The following MAOB variants were observed in gnomAD, a reference collection of about 807,000 sequenced individuals.
The protein encoded by MAOB is amine oxidase [flavin-containing] B.
A neutral mutation model predicts 41.9 loss-of-function variants in MAOB; 15 were observed. The observed-to-expected ratio is 0.36, with a 90% CI of 0.24 to 0.55. The LOEUF is 0.55. MAOB is among the 20% of genes least tolerant of loss of function. The pLI, the probability that MAOB is intolerant of heterozygous loss-of-function variation, is 0.86. For missense variants in MAOB, 345 were observed against 398.7 expected (o/e 0.87, Z 1.15); for synonymous variants, 167 against 144.2 (o/e 1.16, Z -1.13).
intron 1 of MAOB, among the ~76,000 whole-genome samples, chrX:43,846,146 A>C (rs2035200601): frequency 1.8e-5 from 2 of 112,782 alleles, no homozygotes. Context: ...GCATCAATTC[A>C]ACAAATGAAA....
intron 1 of MAOB, among the ~76,000 whole-genome samples, chrX:43,862,835 C>T (rs142549244): frequency 2.6e-3 from 293 of 111,587 alleles, no homozygotes; most frequent in South Asian, 4.9e-3. Flanking sequence ...TGGATTCCAC[C>T]CCATATTCTA....
intron 1 of MAOB, among the ~76,000 whole-genome samples, chrX:43,855,366 G>A (rs990294541): frequency 1.8e-5 from 2 of 111,302 alleles, no homozygotes; most frequent in African/African-American, 6.5e-5. Flanking sequence ...CCACATAGGA[G>A]GGCACAGACT....
chrX:43,878,748 A>G (rs1322167519), intron 1 of MAOB, among the ~76,000 whole-genome samples: 2 of 110,686 alleles, frequency 1.8e-5, no homozygotes, highest in Non-Finnish European at 3.8e-5. Flanking sequence ...ACCTCAACTC[A>G]TAACCCCTTG....
chrX:43,830,172 G>T (rs917434341), intron 3 of MAOB, among the ~76,000 whole-genome samples: 1 of 112,077 alleles, frequency 8.9e-6, no homozygotes, highest in African/African-American at 3.2e-5. Context: ...CAGTGCTGTT[G>T]TAAGCTATTT....
At chrX:43,851,695 G>T (rs1036507581) in intron 1 of MAOB, among the ~76,000 whole-genome samples, 1 of 111,650 alleles carries the variant, frequency 9.0e-6, no homozygotes, top group African/African-American at 3.3e-5. Context: ...TATGAAGAGG[G>T]TTAGAAGTCT....
At chrX:43,796,611 G>T (rs1326601856) in intron 6 of MAOB, among the ~76,000 whole-genome samples, 1 of 110,887 alleles carries the variant, frequency 9.0e-6, no homozygotes, top group Non-Finnish European at 1.9e-5. Flanking sequence ...AAGAGGAGGA[G>T]GGGGAGAGAG....
At chrX:43,798,542 G>A (rs3027452) in intron 5 of MAOB, among the ~76,000 whole-genome samples, 14,538 of 111,013 alleles carry the variant, frequency 0.13, 833 homozygotes, top group South Asian at 0.23. Flanking sequence ...ATGGTGAGAG[G>A]TTATCACCTA....
chrX:43,845,712 G>T (rs1213664341), intron 1 of MAOB, among the ~76,000 whole-genome samples: 1 of 112,136 alleles, frequency 8.9e-6, no homozygotes, highest in Non-Finnish European at 1.9e-5. Context: ...CACTTTTTTG[G>T]ATCAGCTTGT....
At chrX:43,793,366 A>T (rs1459923590) in intron 8 of MAOB, 53 bp downstream of exon 8, 5 of 992,340 alleles carry the variant, frequency 5.0e-6, no homozygotes, top group African/African-American at 4.0e-5. Context: ...ATGCCTTAGC[A>T]ACAAGTTTCT....
At chrX:43,851,155 C>T (rs2035249337) in intron 1 of MAOB, among the ~76,000 whole-genome samples, 1 of 111,391 alleles carries the variant, frequency 9.0e-6, no homozygotes. Context: ...ATAGCTTTGT[C>T]TTTCTCGGGT....
At chrX:43,770,748 G>A (rs760127961) in intron 12 of MAOB, among the ~76,000 whole-genome samples, 9 of 111,837 alleles carry the variant, frequency 8.0e-5, no homozygotes, top group African/African-American at 2.9e-4. Flanking sequence ...ATGTCTAACA[G>A]ATGTCAAAGT....
chrX:43,854,001 GTTAA>G (rs2147172435), intron 1 of MAOB, among the ~76,000 whole-genome samples: 1 of 112,733 alleles, frequency 8.9e-6, no homozygotes, highest in South Asian at 3.7e-4. Flanking sequence ...TAACTTCATT[GTTAA>G]TTAAACTTAT....
intron 3 of MAOB, among the ~76,000 whole-genome samples, chrX:43,819,878 T>A (rs1368473726): frequency 8.9e-6 from 1 of 112,131 alleles, no homozygotes; most frequent in East Asian, 2.8e-4. Context: ...CAGACCAAAC[T>A]GAGAGAAGAA....
At chrX:43,841,884 C>A (rs898416541) in intron 2 of MAOB, among the ~76,000 whole-genome samples, 5 of 111,787 alleles carry the variant, frequency 4.5e-5, no homozygotes, top group African/African-American at 1.6e-4. Context: ...AGTCCCTTAT[C>A]TTATACCATA....
intron 1 of MAOB, among the ~76,000 whole-genome samples, chrX:43,858,004 C>G (rs191075670): frequency 2.1e-3 from 236 of 111,784 alleles, no homozygotes; most frequent in Non-Finnish European, 2.8e-3. Context: ...ACCATCTAGG[C>G]CTCATTCCAT....
At chrX:43,881,907 G>T (rs1776470233) in intron 1 of MAOB, among the ~76,000 whole-genome samples, 2 of 111,779 alleles carry the variant, frequency 1.8e-5, no homozygotes, top group African/African-American at 6.5e-5. Context: ...AGGTCAAGTT[G>T]GAGCAAATGA....
intron 1 of MAOB, among the ~76,000 whole-genome samples, chrX:43,848,673 C>T (rs1181453155): frequency 8.9e-6 from 1 of 112,130 alleles, no homozygotes; most frequent in African/African-American, 3.2e-5. Context: ...CTGCCTCAGC[C>T]TCCCCAAGTA....
At chrX:43,850,828 A>C (rs1417889814) in intron 1 of MAOB, among the ~76,000 whole-genome samples, 4 of 112,264 alleles carry the variant, frequency 3.6e-5, no homozygotes, top group Non-Finnish European at 5.6e-5. Flanking sequence ...TCAAGCTTTC[A>C]TAAGTTGCCA....
At chrX:43,852,412 G>A (rs764916942) in intron 1 of MAOB, among the ~76,000 whole-genome samples, 97 of 112,438 alleles carry the variant, frequency 8.6e-4, no homozygotes, top group Non-Finnish European at 1.4e-3. Flanking sequence ...GGGATGAAAT[G>A]TCATGATGTC....
Sources: gnomAD v4.1 joint callset for allele counts (sites outside exome capture counted in the v4.1 genomes callset) on GRCh38, gnomAD v4.1.1 for gene constraint, MANE v1.5 for transcripts, NCBI Gene and HGNC (gene_info 2026-07-23, HGNC 2026-07-21) for gene names.